PAK1: variants seen among roughly 807,000 people sequenced by gnomAD.
The protein encoded by PAK1 is serine/threonine-protein kinase PAK 1.
A neutral mutation model predicts 67.4 loss-of-function variants in PAK1; 29 were observed. The observed-to-expected ratio is 0.43, with a 90% confidence interval of 0.32 to 0.59. The LOEUF is 0.59. PAK1 is among the 20% of genes least tolerant of loss of function. PAK1 has a pLI of 0.07. For synonymous variants in PAK1, 223 were observed against 237.4 expected, an observed-to-expected ratio of 0.94 and a Z score of 0.56; for missense variants, 337 against 670.7, an observed-to-expected ratio of 0.50 and a Z score of 5.50.
chr11:77,507,074 G>GA, the PAK1 span, among the ~76,000 whole-genome samples: 1 of 152,172 alleles, frequency 6.6e-6, no homozygotes, highest in Non-Finnish European at 1.5e-5. Context: ...ATCTAGCAGA[G>GA]AAAAAAGCTC....
intron 8 of PAK1, among the ~76,000 whole-genome samples, chr11:77,351,826 T>C (rs1268286934): frequency 6.6e-6 from 1 of 152,106 alleles, no homozygotes; most frequent in Non-Finnish European, 1.5e-5. Context: ...CAGACATTTT[T>C]CTTTTTCAGT....
chr11:77,425,369 A>C (rs1955496473), intron 1 of PAK1, among the ~76,000 whole-genome samples: 1 of 152,262 alleles, frequency 6.6e-6, no homozygotes, highest in Admixed American at 6.5e-5. Context: ...TCGGTCAGCC[A>C]AGGTTTCTAG....
At position 77,433,615 on chromosome 11, in the gene PAK1, T is replaced by C. The variant is rs561747446; in HGVS notation, c.-22+39937A>G. Among the ~76,000 whole-genome samples, 11 of 152,156 alleles carry C rather than the reference T, an allele frequency of 7.2e-5. No homozygotes were observed. The South Asian group carries it at 1.7e-3, about 23-fold the overall frequency. ...TAACACGGTGAAACCCTGTCTCTAC[T>C]AAAAATACAAAAAATTAGCTGGGCG... On this transcript the variant is annotated intron_variant, in intron 1 of 14. Transcript: ENST00000356341.
intron 1 of PAK1, among the ~76,000 whole-genome samples, chr11:77,451,692 T>C (rs1041840699): frequency 6.9e-6 from 1 of 145,428 alleles, no homozygotes; most frequent in Admixed American, 6.7e-5. Flanking sequence ...CTCCGCCTCC[T>C]GGGTTCATGC....
chr11:77,378,866 G>A (rs1252777557), intron 4 of PAK1, among the ~76,000 whole-genome samples: 1 of 152,198 alleles, frequency 6.6e-6, no homozygotes, highest in East Asian at 1.9e-4. Flanking sequence ...GGGATTACAG[G>A]CGTGAGGCAC....
chr11:77,516,701 C>A, the PAK1 span, among the ~76,000 whole-genome samples: 1 of 151,982 alleles, frequency 6.6e-6, no homozygotes, highest in Non-Finnish European at 1.5e-5. Flanking sequence ...TTTAAACTAA[C>A]CAATTTAAAC....
chr11:77,414,440 A>T (rs1954838835), intron 1 of PAK1, among the ~76,000 whole-genome samples: 1 of 152,246 alleles, frequency 6.6e-6, no homozygotes. Flanking sequence ...TTGGTCTGGC[A>T]TGTGGCCTAG....
In PAK1 at chr11:77,466,269, G is replaced by A. The variant is rs141141065; in HGVS notation, c.-22+7283C>T. Among the ~76,000 whole-genome samples, 108 of 152,240 alleles carry A rather than the reference G, an allele frequency of 7.1e-4. 1 individual carries two copies. In the East Asian group the frequency reaches 0.016, roughly 23 times the overall value. On this transcript the variant is annotated intron_variant, in intron 1 of 14. Coordinates refer to ENST00000356341, the MANE Select transcript of PAK1 (RefSeq NM_002576.5). ...GCTAAGGAAAACTGAGTCTCAGGAC[G>A]GTTAAGTGACTTGCTGTGGTTACAC...
chr11:77,332,604 T>A, intron 14 of PAK1, 126 bp downstream of exon 14: 1 of 719,790 alleles, frequency 1.4e-6, no homozygotes. Flanking sequence ...AGGAACAGAG[T>A]GAGTGTAGGA....
chr11:77,490,292 C>CCCG, the PAK1 span, among the ~76,000 whole-genome samples: 1 of 145,426 alleles, frequency 6.9e-6, no homozygotes, highest in South Asian at 2.2e-4. Flanking sequence ...GGGGGTCAGC[C>CCCG]CCCCCACCCG....
intron 1 of PAK1, among the ~76,000 whole-genome samples, chr11:77,414,949 GAAAC>G (rs1168016387): frequency 6.6e-6 from 1 of 151,936 alleles, no homozygotes; most frequent in South Asian, 2.1e-4. Context: ...AGAGAACAAA[GAAAC>G]AAACCACAGA....
intron 1 of PAK1, among the ~76,000 whole-genome samples, chr11:77,417,400 T>C (rs142719594): frequency 1.1e-3 from 169 of 152,280 alleles, no homozygotes; most frequent in African/African-American, 3.8e-3. Context: ...TCCAACTACA[T>C]GATATTTGGA....
chr11:77,467,843 T>C (rs938788086), intron 1 of PAK1, among the ~76,000 whole-genome samples: 2 of 152,230 alleles, frequency 1.3e-5, no homozygotes, highest in Non-Finnish European at 2.9e-5. Flanking sequence ...AAGTAGCTCT[T>C]TGTCTAACTT....
In PAK1 at chr11:77,395,251, C is replaced by T. The variant is rs528262101; in HGVS notation, c.-21-2710G>A. Among the ~76,000 whole-genome samples, 4 of 152,210 alleles carry T rather than the reference C, an allele frequency of 2.6e-5. No individual in the cohort carries two copies. In the South Asian group the frequency reaches 8.3e-4, roughly 32 times the overall value. ...AGCAATGGGTAACTTTCCAGGTTAT[C>T]CCTTCTATTATTGCTATTACAATTG... On this transcript the variant is annotated intron_variant, in intron 1 of 14. Coordinates refer to ENST00000356341, the MANE Select transcript of PAK1 (RefSeq NM_002576.5).
At position 77,392,210 on chromosome 11, in the gene PAK1, T is replaced by C. The variant is rs371842995; in HGVS notation, c.190+121A>G. On this transcript the variant is annotated intron_variant, in intron 2 of 14. Coordinates refer to ENST00000356341, the MANE Select transcript of PAK1 (RefSeq NM_002576.5). ...GCCACTGTAGGGAGAAAGGGAAATA[T>C]TTAACCAGAAAGAAAACATTAAAGG... 3.5e-4 allele frequency: 251 copies of C among 724,154 alleles called. 1 individual carries two copies. In the African/African-American group the frequency reaches 4.2e-3, roughly 12 times the overall value. 44.9% of individuals were successfully genotyped at this position (724,154 alleles called of 1,614,324 possible).
Position 77,355,819 on chromosome 11 carries a change from T to C in PAK1, c.621A>G (p.Glu207=). ...TKSVYTRSVI[E]PLPVTPTRDV... is the part of the protein sequence containing the mutation. Reference sequence around the variant, plus strand: ...CCCGAGTTGGAGTGACAGGAAGTGGTTCAATCACAGACCGTGTGTATACCT... The same window carrying C: ...CCCGAGTTGGAGTGACAGGAAGTGGCTCAATCACAGACCGTGTGTATACCT... Residue 207 remains glutamate (E), a synonymous_variant, in exon 7 of 15, where the codon GAA becomes GAG. Transcript: ENST00000356341. 1.2e-6 allele frequency: 2 copies of C among 1,613,548 alleles called. No homozygotes were observed. The highest frequency in any genetic ancestry group is 1.7e-6 in the Non-Finnish European group (2 of 1,179,682).
At chr11:77,451,987 T>G (rs551022652) in intron 1 of PAK1, among the ~76,000 whole-genome samples, 1 of 152,322 alleles carries the variant, frequency 6.6e-6, no homozygotes, top group South Asian at 2.1e-4. Flanking sequence ...TTATATATAT[T>G]AATGTCCTCA....
At chr11:77,432,013 TCTC>T (rs1955884739) in intron 1 of PAK1, among the ~76,000 whole-genome samples, 1 of 152,166 alleles carries the variant, frequency 6.6e-6, no homozygotes, top group African/African-American at 2.4e-5. Flanking sequence ...GTTTTTTTTG[TCTC>T]CTCAATTAAC....
intron 5 of PAK1, among the ~76,000 whole-genome samples, chr11:77,374,096 T>C (rs150025816): frequency 6.6e-6 from 1 of 152,096 alleles, no homozygotes; most frequent in East Asian, 1.9e-4. Flanking sequence ...TCCATAAAAA[T>C]TAAAAATAAA....
Sources: gnomAD v4.1 joint callset for allele counts (sites outside exome capture counted in the v4.1 genomes callset) on GRCh38, gnomAD v4.1.1 for gene constraint, MANE v1.5 for transcripts, NCBI Gene and HGNC (gene_info 2026-07-23, HGNC 2026-07-21) for gene names.